Variants in EIPR1 observed in about 807,000 individuals in gnomAD.
EIPR1 encodes the protein EARP complex and GARP complex interacting protein 1, also known as EARP and GARP complex-interacting protein 1.
EIPR1 carries 25 observed loss-of-function variants against 48.1 expected under a neutral mutation model. The observed-to-expected ratio is 0.52, with a 90% CI of 0.38 to 0.73. The LOEUF is 0.73. EIPR1 is among the 30% of genes least tolerant of loss of function. The pLI is 0.00. For synonymous variants in EIPR1, 204 were observed against 201.9 expected (o/e 1.01, Z -0.09); for missense variants, 415 against 506.2 (o/e 0.82, Z 1.73).
At chr2:3,314,976 G>A (rs924655972) in intron 3 of EIPR1, among the ~76,000 whole-genome samples, 17 of 151,686 alleles carry the variant, frequency 1.1e-4, no homozygotes, top group Admixed American at 9.2e-4. Flanking sequence ...AGCATCTTCT[G>A]CTGCTGCTCT....
At chr2:3,243,964 C>T (rs1043445068) in intron 4 of EIPR1, among the ~76,000 whole-genome samples, 44 of 152,302 alleles carry the variant, frequency 2.9e-4, no homozygotes, top group Non-Finnish European at 5.7e-4. Context: ...GCCCTTTTGA[C>T]GGACAGAACT....
At chr2:3,375,368 C>T (rs950637522) in intron 1 of EIPR1, among the ~76,000 whole-genome samples, 1 of 148,660 alleles carries the variant, frequency 6.7e-6, no homozygotes, top group African/African-American at 2.5e-5. Context: ...TACCTTAAAA[C>T]TTAAAATATA....
intron 3 of EIPR1, among the ~76,000 whole-genome samples, chr2:3,276,344 G>A (rs1311379283): frequency 6.6e-6 from 1 of 152,234 alleles, no homozygotes; most frequent in Admixed American, 6.5e-5. Context: ...GGGAGCCCAT[G>A]CTGAATAAAT....
rs544503082 is a variant in EIPR1 at position 3,251,720 on chromosome 2, C to T, written c.416+5579G>A. Among the ~76,000 whole-genome samples, 8 of 152,312 alleles carry T rather than the reference C, an allele frequency of 5.3e-5. No individual in the cohort carries two copies. In the East Asian group the frequency reaches 1.4e-3, roughly 26 times the overall value. The stretch of plus-strand genomic sequence containing the variant: ...TTTCAAAATGCTTAATTCCCATATA[C>T]AGCATACTTTATTAATGTTTATCAA... On this transcript the variant is annotated intron_variant, in intron 4 of 8. Coordinates refer to ENST00000382125, the MANE Select transcript of EIPR1 (RefSeq NM_003310.5).
At chr2:3,339,042 C>T (rs1670152797) in intron 2 of EIPR1, among the ~76,000 whole-genome samples, 1 of 152,092 alleles carries the variant, frequency 6.6e-6, no homozygotes, top group Admixed American at 6.5e-5. Flanking sequence ...AAATAAATTG[C>T]AGTATTTGAT....
intron 4 of EIPR1, among the ~76,000 whole-genome samples, chr2:3,250,279 T>C (rs1047216462): frequency 6.6e-6 from 1 of 152,234 alleles, no homozygotes. Context: ...GCCCTGGACG[T>C]AGGACATGGA....
chr2:3,289,438 T>C (rs1264892363), intron 3 of EIPR1, among the ~76,000 whole-genome samples: 1 of 152,146 alleles, frequency 6.6e-6, no homozygotes, highest in Non-Finnish European at 1.5e-5. Context: ...AGAAGGGCAA[T>C]GGCAGACCCA....
intron 3 of EIPR1, among the ~76,000 whole-genome samples, chr2:3,264,808 C>T (rs992529710): frequency 6.6e-6 from 1 of 152,168 alleles, no homozygotes; most frequent in East Asian, 1.9e-4. Context: ...CTGCCTCAGC[C>T]TCCTGAGTAG....
chr2:3,366,062 C>T (rs1321748972), intron 1 of EIPR1, among the ~76,000 whole-genome samples: 1 of 152,204 alleles, frequency 6.6e-6, no homozygotes, highest in African/African-American at 2.4e-5. Context: ...AATTCCAGCA[C>T]TTTGGGAAGT....
chr2:3,192,704 G>GCACAGGCACAGGCACTGCCTGTGA, intron 7 of EIPR1, 123 bp from the exon 8 acceptor site: 1 of 960,912 alleles, frequency 1.0e-6, no homozygotes, highest in African/African-American at 1.7e-5. Flanking sequence ...CAGGCAATCG[G>GCACAGGCACAGGCACTGCCTGTGA]CCCCCAGTCA....
chr2:3,225,257 T>TGA (rs1432872420), intron 4 of EIPR1, among the ~76,000 whole-genome samples: 11 of 151,678 alleles, frequency 7.3e-5, no homozygotes, highest in Admixed American at 1.3e-4. Flanking sequence ...TGTGTGTGTG[T>TGA]GTGTGTATGA....
intron 3 of EIPR1, among the ~76,000 whole-genome samples, chr2:3,337,685 G>T (rs1243896669): frequency 6.6e-6 from 1 of 152,168 alleles, no homozygotes; most frequent in African/African-American, 2.4e-5. Flanking sequence ...CTACAGGAAA[G>T]AGATGAATCC....
At chr2:3,252,235 C>G (rs1667022305) in intron 4 of EIPR1, among the ~76,000 whole-genome samples, 1 of 152,210 alleles carries the variant, frequency 6.6e-6, no homozygotes, top group African/African-American at 2.4e-5. Context: ...CCACAGAGAA[C>G]ACCACACGTG....
At chr2:3,350,950 A>T (rs1670554349) in intron 2 of EIPR1, among the ~76,000 whole-genome samples, 1 of 151,300 alleles carries the variant, frequency 6.6e-6, no homozygotes, top group South Asian at 2.1e-4. Flanking sequence ...CGTTCCAAAA[A>T]AAAAAAAAAA....
intron 1 of EIPR1, chr2:3,377,417 G>T (rs1489393058): frequency 6.5e-6 from 3 of 462,862 alleles, no homozygotes; most frequent in Non-Finnish European, 1.2e-5. Flanking sequence ...GTCATGTTCG[G>T]GACAGGATGT....
intron 5 of EIPR1, among the ~76,000 whole-genome samples, chr2:3,202,776 G>A (rs774191805): frequency 4.6e-5 from 7 of 152,316 alleles, no homozygotes; most frequent in East Asian, 3.9e-4. Context: ...ATGGAGCACC[G>A]CTTGCGTCCA....
chr2:3,216,649 G>A (rs1179836319), intron 4 of EIPR1, among the ~76,000 whole-genome samples: 3 of 152,142 alleles, frequency 2.0e-5, no homozygotes, highest in Non-Finnish European at 4.4e-5. Flanking sequence ...CTCCTTTGGT[G>A]CCATAAATAT....
At chr2:3,329,879 G>C (rs531672175) in intron 3 of EIPR1, among the ~76,000 whole-genome samples, 91 of 151,358 alleles carry the variant, frequency 6.0e-4, no homozygotes, top group African/African-American at 2.2e-3. Flanking sequence ...CGGGGCACCA[G>C]CCTGGGCTCC....
At chr2:3,301,311 T>C (rs1668756262) in intron 3 of EIPR1, 1 of 152,192 alleles carries the variant, frequency 6.6e-6, no homozygotes, top group Non-Finnish European at 1.5e-5. Context: ...ACAACAAGCA[T>C]GGAGGCAGGT....
Sources: allele counts gnomAD v4.1 joint callset (sites outside exome capture counted in the v4.1 genomes callset), GRCh38; gene constraint gnomAD v4.1.1; transcripts MANE v1.5; gene names NCBI Gene and HGNC (gene_info 2026-07-23, HGNC 2026-07-21).